The following LEFTY1 variants were observed in gnomAD, a reference collection of about 807,000 sequenced individuals.
LEFTY1 encodes left-right determination factor 1.
In LEFTY1, 18 loss-of-function variants were observed where a neutral mutation model predicts 22.6. The observed-to-expected ratio is 0.80, with a 90% CI of 0.55 to 1.18. The LOEUF (loss-of-function observed/expected upper bound fraction) is 1.18, where lower values mean the gene tolerates loss of function less well. Ranked by LOEUF, LEFTY1 falls within the 50% of genes most tolerant of loss-of-function variation. The pLI is 0.00. For synonymous variants in LEFTY1, 201 were observed against 231.5 expected, an observed-to-expected ratio of 0.87 and a Z score of 1.20; for missense variants, 414 against 495.4, an observed-to-expected ratio of 0.84 and a Z score of 1.56.
rs752051291 is a variant in LEFTY1 at position 225,887,038 on chromosome 1, A to C, written c.790T>G (p.Cys264Gly). 6.3e-7 allele frequency: 1 copy of C among 1,598,862 alleles called. No individual in the cohort carries two copies. The highest frequency in any genetic ancestry group is 1.3e-5 in the African/African-American group (1 of 74,546). ...EAPMTEGTRC[C>G]RQEMYIDLQG... ...AGGTCAATGTACATCTCCTGGCGGC[A>C]GCAGCGGGTGCCCTCGGTCATTGGT... Residue 264 changes from cysteine (C) to glycine (G), a missense_variant, in exon 4 of 4, where the codon TGC (cysteine) becomes GGC (glycine). Around this residue, in one of 2 missense-constraint regions of LEFTY1, gnomAD observed 398 missense variants for 454.7 expected, o/e 0.88. Coordinates refer to ENST00000272134, the MANE Select transcript of LEFTY1 (RefSeq NM_020997.4).
In LEFTY1 at chr1:225,887,443, C is replaced by T. The variant is rs41303105; in HGVS notation, c.693G>A (p.Gly231=). 8 of 1,613,330 alleles carry T rather than the reference C, an allele frequency of 5.0e-6. No homozygotes were observed. Among genetic ancestry groups the T allele is most frequent in the African/African-American group, 1.3e-5 (1 of 75,062 alleles). The change falls in exon 3 of 4, where the codon GGG becomes GGA. Residue 231 remains glycine, a synonymous_variant. Coordinates refer to ENST00000272134, the MANE Select transcript of LEFTY1 (RefSeq NM_020997.4). Reference sequence around the variant, plus strand: ...GGGTGTGCAGCTCCAGCTGGGGCTCCCCAAGCCCGGCTGGCGCCCCCTGCG... The same window carrying T: ...GGGTGTGCAGCTCCAGCTGGGGCTCTCCAAGCCCGGCTGGCGCCCCCTGCG... ...FASQGAPAGL[G]EPQLELHTLD... is the part of the protein sequence containing the mutation.
In LEFTY1 at chr1:225,889,138, G is replaced by A. The variant is rs536400576; in HGVS notation, c.-72C>T. The A allele has an allele frequency of 2.9e-5, 41 of 1,405,082 alleles. No homozygotes were observed. The Admixed American group carries it at 7.9e-4, about 27-fold the overall frequency. 87.0% of individuals were successfully genotyped at this position (1,405,082 alleles called of 1,614,324 possible). ...GAAGGCTGCAGGAGGGTCTCAGGCA[G>A]CTGGATGTGCTGAGAGCCAAGCCTG... On this transcript the variant is annotated 5_prime_UTR_variant, in exon 1 of 4. Coordinates refer to ENST00000272134, the MANE Select transcript of LEFTY1 (RefSeq NM_020997.4).
chr1:225,888,629 C>T (rs1671335869), intron 1 of LEFTY1, among the ~76,000 whole-genome samples, 188 bp downstream of exon 1: 1 of 152,194 alleles, frequency 6.6e-6, no homozygotes, highest in Admixed American at 6.5e-5. Flanking sequence ...GTCCTGACTG[C>T]ATGCACCGCT....
At chr1:225,887,256 T>C in intron 3 of LEFTY1, 143 bp downstream of exon 3, 1 of 1,497,252 alleles carries the variant, frequency 6.7e-7, no homozygotes, top group Non-Finnish European at 8.9e-7. Context: ...CGATATTTAC[T>C]GAGGATCTCC....
chr1:225,886,611 C>A lies in LEFTY1; in HGVS notation c.*116G>T. On this transcript the variant is annotated 3_prime_UTR_variant, in exon 4 of 4. Transcript: ENST00000272134. ...TCAGAGGAAGCAAATTCAGGGCTCACTAGAGAGCACAGAGCATTTGTCCAT... is the reference window on the plus strand; with the variant it reads ...TCAGAGGAAGCAAATTCAGGGCTCAATAGAGAGCACAGAGCATTTGTCCAT... 20 of 1,540,984 alleles carry A rather than the reference C, an allele frequency of 1.3e-5. No individual in the cohort carries two copies. Among genetic ancestry groups the A allele is most frequent in the Non-Finnish European group, 1.7e-5 (20 of 1,147,354 alleles).
rs1182246798 is a variant in LEFTY1, at chr1:225,887,016, T to C, written c.812A>G (p.Asp271Gly). The C allele has an allele frequency of 1.9e-6, 3 of 1,604,188 alleles. No individual in the cohort carries two copies. In the Admixed American group the frequency reaches 5.1e-5, roughly 27 times the overall value. ...TRCCRQEMYI[D>G]LQGMKWAENW... ...CTCGGCCCACTTCATCCCCTGCAGG[T>C]CAATGTACATCTCCTGGCGGCAGCA... Residue 271 changes from aspartate to glycine, a missense_variant, in exon 4 of 4, where the codon GAC (aspartate) becomes GGC (glycine). This residue lies in a region of LEFTY1 where 398 missense variants were observed against 454.7 expected (regional missense o/e 0.88). Transcript: ENST00000272134.
chr1:225,888,222 C>G (rs369374080), intron 1 of LEFTY1, among the ~76,000 whole-genome samples, 190 bp from the exon 2 acceptor site: 65 of 152,220 alleles, frequency 4.3e-4, no homozygotes, highest in Admixed American at 2.9e-3. Context: ...CAGGCAGGGG[C>G]GCCTGTGGGA....
At chr1:225,887,675 G>A in intron 2 of LEFTY1, 37 bp from the exon 3 acceptor site, 1 of 1,611,396 alleles carries the variant, frequency 6.2e-7, no homozygotes, top group Non-Finnish European at 8.5e-7. Flanking sequence ...CCGCTTGAGG[G>A]CGGGGACTGG....
At chr1:225,887,290 T>C in intron 3 of LEFTY1, 109 bp downstream of exon 3, 1 of 1,558,190 alleles carries the variant, frequency 6.4e-7, no homozygotes, top group Non-Finnish European at 8.7e-7. Flanking sequence ...AAGAATTGTA[T>C]ACATTGTCTC....
At position 225,888,846 on chromosome 1, in the gene LEFTY1, C is replaced by T. The variant is rs781305776; in HGVS notation, c.221G>A (p.Arg74His). The T allele has an allele frequency of 5.5e-5, 89 of 1,613,156 alleles. No homozygotes were observed. In the Admixed American group the frequency reaches 1.0e-3, roughly 18 times the overall value. The change falls in exon 1 of 4, where the codon CGC (arginine) becomes CAC (histidine). Residue 74 changes from arginine to histidine, a missense_variant. Coordinates refer to ENST00000272134, the MANE Select transcript of LEFTY1 (RefSeq NM_020997.4). ...LLQRSHGDRS[R>H]GKRFSQSFRE... ...GAAGCTCTGGCTGAACCTCTTTCCG[C>T]GGGAGCGGTCCCCGTGGCTGCGCTG...
chr1:225,888,027 C>T lies in LEFTY1; in HGVS notation c.256G>A (p.Ala86Thr). 6.3e-7 allele frequency: 1 copy of T among 1,591,352 alleles called. No homozygotes were observed. The highest frequency in any genetic ancestry group is 8.5e-7 in the Non-Finnish European group (1 of 1,178,526). The change falls in exon 2 of 4, where the codon GCC becomes ACC. Residue 86 changes from alanine (A) to threonine (T), a missense_variant. Around this residue, in one of 2 missense-constraint regions of LEFTY1, gnomAD observed 398 missense variants for 454.7 expected, o/e 0.88. Transcript: ENST00000272134. ...KRFSQSFREV[A>T]GRFLALEAST... The stretch of plus-strand genomic sequence containing the variant: ...GCCTCCAACGCCAGGAACCTGCCGG[C>T]CACCTCTGGGGACAAGAGCAGGGTC...
At chr1:225,888,635 C>T (rs1243818106) in intron 1 of LEFTY1, among the ~76,000 whole-genome samples, 182 bp downstream of exon 1, 3 of 152,198 alleles carry the variant, frequency 2.0e-5, no homozygotes, top group Non-Finnish European at 4.4e-5. Flanking sequence ...ACTGCATGCA[C>T]CGCTGCATGC....
chr1:225,889,121 C>A lies in LEFTY1; in HGVS notation c.-55G>T, dbSNP rs1671345954. 7.0e-7 allele frequency: 1 copy of A among 1,427,368 alleles called. No individual in the cohort carries two copies. The highest frequency in any genetic ancestry group is 9.1e-7 in the Non-Finnish European group (1 of 1,094,286). 88.4% of individuals were successfully genotyped at this position (1,427,368 alleles called of 1,614,324 possible). On this transcript the variant is annotated 5_prime_UTR_variant, in exon 1 of 4. Transcript: ENST00000272134. ...GTGGGGCTGTCCCTTGAGAAGGCTG[C>A]AGGAGGGTCTCAGGCAGCTGGATGT...
chr1:225,888,505 A>ATATTTATACCCC (rs1337743262), intron 1 of LEFTY1, among the ~76,000 whole-genome samples: 1 of 152,192 alleles, frequency 6.6e-6, no homozygotes, highest in African/African-American at 2.4e-5. Flanking sequence ...GAAGATGGGC[A>ATATTTATACCCC]AGACATAGTT....
chr1:225,887,983 C>T lies in LEFTY1; in HGVS notation c.300G>A (p.Val100=). ...LALEASTHLL[V]FGMEQRLPPN... ...GCGGCAGCCGCTGCTCCATGCCGAA[C>T]ACCAGCAGGTGTGTGCTGGCCTCCA... The change falls in exon 2 of 4, where the codon GTG becomes GTA. Residue 100 remains valine (V), a synonymous_variant. Transcript: ENST00000272134. 6.3e-7 allele frequency: 1 copy of T among 1,590,076 alleles called. No homozygotes were observed. Among genetic ancestry groups the T allele is most frequent in the Non-Finnish European group, 8.5e-7 (1 of 1,178,114 alleles).
rs1671338956 is a variant in LEFTY1 at position 225,888,809 on chromosome 1, G to T, written c.250+8C>A. On this transcript the variant is annotated splice_region_variant and intron_variant, in intron 1 of 3. Transcript: ENST00000272134. ...GGGACCAGGGGCAGCAGGGAGGGAG[G>T]GCCTCACCTCGGAAGCTCTGGCTGA... is the stretch of plus-strand genomic sequence containing the variant. 1 of 1,612,996 alleles carries T rather than the reference G, an allele frequency of 6.2e-7. No individual in the cohort carries two copies. Among genetic ancestry groups the T allele is most frequent in the Non-Finnish European group, 8.5e-7 (1 of 1,179,754 alleles).
chr1:225,888,891 G>T lies in LEFTY1; in HGVS notation c.176C>A (p.Ala59Asp), dbSNP rs781339524. The T allele has an allele frequency of 2.5e-6, 4 of 1,613,146 alleles. No individual in the cohort carries two copies. The highest frequency in any genetic ancestry group is 3.4e-6 in the Non-Finnish European group (4 of 1,179,874). ...EELVIPTHVR[A>D]QYVALLQRSH... ...GCGCTGCAGCAGGGCCACGTACTGG[G>T]CCCTCACGTGGGTGGGGATGACCAG... Residue 59 changes from alanine to aspartate, a missense_variant, in exon 1 of 4, where the codon GCC becomes GAC. Coordinates refer to ENST00000272134, the MANE Select transcript of LEFTY1 (RefSeq NM_020997.4).
rs200296829 is a variant in LEFTY1, at chr1:225,887,427, G to A, written c.709C>T (p.Leu237=). 1.9e-6 allele frequency: 3 copies of A among 1,613,448 alleles called. No individual in the cohort carries two copies. In the African/African-American group the frequency reaches 4.0e-5, roughly 22 times the overall value. ...PAGLGEPQLE[L]HTLDLGDYGA... Reference sequence around the variant, plus strand: ...TAGTCCCCAAGGTCCAGGGTGTGCAGCTCCAGCTGGGGCTCCCCAAGCCCG... The same window carrying A: ...TAGTCCCCAAGGTCCAGGGTGTGCAACTCCAGCTGGGGCTCCCCAAGCCCG... Residue 237 remains leucine (L), a synonymous_variant, in exon 3 of 4, where the codon CTG becomes TTG. Coordinates refer to ENST00000272134, the MANE Select transcript of LEFTY1 (RefSeq NM_020997.4).
In LEFTY1 at chr1:225,888,933, C is replaced by G. The variant is rs1419536988; in HGVS notation, c.134G>C (p.Arg45Thr). The change falls in exon 1 of 4, where the codon AGG becomes ACG. Residue 45 changes from arginine to threonine, a missense_variant. By Grantham distance (71) the Arg-to-Thr change is moderately conservative. Transcript: ENST00000272134. ...LQLKEVPTLDRADMEELVIPT... is the reference protein window; with the variant it reads ...LQLKEVPTLDTADMEELVIPT... ...GATGACCAGCTCCTCCATGTCGGCC[C>G]TGTCCAGGGTGGGCACCTCTTTGAG... The G allele has an allele frequency of 6.2e-7, 1 of 1,612,124 alleles. No homozygotes were observed. The highest frequency in any genetic ancestry group is 1.7e-5 in the Admixed American group (1 of 59,890).
Sources: gnomAD v4.1 joint callset for allele counts (sites outside exome capture counted in the v4.1 genomes callset) on GRCh38, gnomAD v4.1.1 for gene constraint, gnomAD v4.1.1 regional missense constraint, MANE v1.5 for transcripts, NCBI Gene and HGNC (gene_info 2026-07-23, HGNC 2026-07-21) for gene names.